PTP4A1: variants seen among roughly 807,000 people sequenced by gnomAD.
PTP4A1 encodes the protein protein tyrosine phosphatase 4A1.
Under a neutral mutation model 20.5 loss-of-function variants are expected in PTP4A1, and 9 were observed. That is an observed-to-expected ratio of 0.44 (90% CI 0.26 to 0.77). The LOEUF is 0.77. Among genes scored for constraint, PTP4A1 ranks in the 30% least tolerant of loss-of-function variants. The probability of loss-of-function intolerance (pLI) is 0.19; values close to 1 mark genes in which losing one functional copy is unlikely to be tolerated. For missense variants in PTP4A1, 137 were observed against 218.8 expected, an observed-to-expected ratio of 0.63 and a Z score of 2.36; for synonymous variants, 78 against 67.4, an observed-to-expected ratio of 1.16 and a Z score of -0.77.
At chr6:63,536,018 C>A (rs1454977225) in intron 2 of PTP4A1, among the ~76,000 whole-genome samples, 1 of 152,016 alleles carries the variant, frequency 6.6e-6, no homozygotes, top group Non-Finnish European at 1.5e-5. Context: ...GGTGATCCAC[C>A]CACCTCGGCC....
At chr6:63,557,187 C>T (rs772637245) in intron 3 of PTP4A1, among the ~76,000 whole-genome samples, 1 of 152,102 alleles carries the variant, frequency 6.6e-6, no homozygotes, top group Non-Finnish European at 1.5e-5. Flanking sequence ...ATGAATGCTG[C>T]AATAGAGGTA....
At chr6:63,536,448 C>T (rs1431160945) in intron 2 of PTP4A1, among the ~76,000 whole-genome samples, 1 of 152,118 alleles carries the variant, frequency 6.6e-6, no homozygotes, top group Non-Finnish European at 1.5e-5. Context: ...TAAGGATATC[C>T]CATTAATTTC....
At chr6:63,567,559 T>C (rs1777243671), upstream of PTP4A1, among the ~76,000 whole-genome samples, 1 of 152,346 alleles carries the variant, frequency 6.6e-6, no homozygotes. Context: ...CCAGGTTTTG[T>C]TCTTCCACTT....
rs376399907 is a variant in PTP4A1 at position 63,559,292 on chromosome 6, G to A, written c.-446+8799G>A. On this transcript the variant is annotated intron_variant, in intron 3 of 3. Transcript: ENST00000639568. ...TATAATGATACTTGTAAACAGCAAG[G>A]ACTTAAGTGGAGTTATTTGGGGGAA... Among the ~76,000 whole-genome samples, 283 of 152,264 alleles carry A rather than the reference G, an allele frequency of 1.9e-3. 1 individual carries two copies. Among genetic ancestry groups the A allele is most frequent in the African/African-American group, 6.5e-3 (270 of 41,536 alleles).
chr6:63,573,093 C>T (rs1295125817), intron 1 of PTP4A1: 2 of 174,124 alleles, frequency 1.1e-5, no homozygotes, highest in Non-Finnish European at 2.4e-5. Flanking sequence ...ACCGCCGCCT[C>T]CGCCCTTGGC....
intron 2 of PTP4A1, among the ~76,000 whole-genome samples, chr6:63,539,790 G>A (rs1397712820): frequency 1.3e-5 from 2 of 151,708 alleles, no homozygotes; most frequent in Admixed American, 6.6e-5. Context: ...ATTGGCAAAG[G>A]ATATGAATAG....
rs2149521370 is a variant in PTP4A1, at chr6:63,583,479, T to C, written c.*3305T>C. ...GGGAAAAACTTGTATTTGCCTTCAA[T>C]GAATTAAACCAGTGATATGTGTTAA... On this transcript the variant is annotated 3_prime_UTR_variant, in exon 6 of 6. Coordinates refer to ENST00000626021, the MANE Select transcript of PTP4A1 (RefSeq NM_003463.5). The C allele has an allele frequency of 6.6e-6, 1 of 152,314 alleles. No individual in the cohort carries two copies. Among genetic ancestry groups the C allele is most frequent in the South Asian group, 2.1e-4 (1 of 4,826 alleles). The allele number at this position is 152,314 out of a possible 1,614,324, so 9.4% of individuals were successfully genotyped here. A position where few individuals can be genotyped will look rare whatever the true frequency, so the allele number is the denominator to read the frequency against.
Position 63,580,169 on chromosome 6 carries a change from C to G in PTP4A1, c.517C>G (p.Gln173Glu). 1.9e-6 allele frequency: 3 copies of G among 1,608,010 alleles called. No homozygotes were observed. The highest frequency in any genetic ancestry group is 2.6e-6 in the Non-Finnish European group (3 of 1,175,176). Reference protein sequence around the residue: ...SNGHRNNCCIQ With the variant: ...SNGHRNNCCIE ...CGGTCATAGAAACAACTGTTGCATTCAATAAAATTGGGGTGCCTAATGCTA... is the reference window on the plus strand; with the variant it reads ...CGGTCATAGAAACAACTGTTGCATTGAATAAAATTGGGGTGCCTAATGCTA... The change falls in exon 6 of 6, where the codon CAA (glutamine) becomes GAA (glutamate). Residue 173 changes from glutamine (Q) to glutamate (E), a missense_variant. Gln to Glu is a conservative substitution (Grantham distance 29). Transcript: ENST00000626021.
intron 1 of PTP4A1, among the ~76,000 whole-genome samples, chr6:63,574,700 C>T (rs979695568): frequency 2.6e-5 from 4 of 151,904 alleles, no homozygotes; most frequent in East Asian, 1.9e-4. Flanking sequence ...AAAGGTAATA[C>T]CTAGAAATTA....
chr6:63,536,024 C>T (rs535731226), intron 2 of PTP4A1, among the ~76,000 whole-genome samples: 1 of 151,918 alleles, frequency 6.6e-6, no homozygotes, highest in African/African-American at 2.4e-5. Flanking sequence ...CCACCCACCT[C>T]GGCCTCCCAA....
chr6:63,540,668 A>G (rs924042409), intron 2 of PTP4A1, among the ~76,000 whole-genome samples: 3 of 151,918 alleles, frequency 2.0e-5, no homozygotes, highest in Non-Finnish European at 2.9e-5. Flanking sequence ...TTAGATGAAA[A>G]TGAGATTTCT....
upstream of PTP4A1, among the ~76,000 whole-genome samples, chr6:63,570,369 C>A (rs1000781245): frequency 6.6e-6 from 1 of 152,292 alleles, no homozygotes; most frequent in South Asian, 2.1e-4. Context: ...TTTCTCTCAA[C>A]AGCAAAAGCC....
intron 2 of PTP4A1, among the ~76,000 whole-genome samples, chr6:63,532,447 A>C (rs905562665): frequency 6.6e-6 from 1 of 152,054 alleles, no homozygotes; most frequent in Admixed American, 6.5e-5. Context: ...CATACATCCT[A>C]TGTATGGGTC....
chr6:63,538,880 A>C (rs1775833202), intron 2 of PTP4A1, among the ~76,000 whole-genome samples: 1 of 151,946 alleles, frequency 6.6e-6, no homozygotes, highest in South Asian at 2.1e-4. Flanking sequence ...GAGAAGTAAT[A>C]ATATTTATTT....
At chr6:63,531,500 A>C (rs986425665) in intron 2 of PTP4A1, among the ~76,000 whole-genome samples, 8 of 150,526 alleles carry the variant, frequency 5.3e-5, no homozygotes, top group African/African-American at 2.0e-4. Context: ...TTCCTGACCC[A>C]TATCTATTAT....
intron 3 of PTP4A1, among the ~76,000 whole-genome samples, chr6:63,564,363 T>C (rs1777096833): frequency 6.6e-6 from 1 of 152,034 alleles, no homozygotes; most frequent in Non-Finnish European, 1.5e-5. Flanking sequence ...AATGGAACTA[T>C]AGAAATACAC....
At chr6:63,553,461 G>A (rs761488467) in intron 3 of PTP4A1, among the ~76,000 whole-genome samples, 3 of 152,166 alleles carry the variant, frequency 2.0e-5, no homozygotes, top group Admixed American at 6.6e-5. Context: ...TTACATGGGT[G>A]GCCTAAAAAT....
In PTP4A1 at chr6:63,572,523, G is replaced by C. The variant is rs2758257; in HGVS notation, c.-642G>C. The C allele has an allele frequency of 2.3e-5, 9 of 391,822 alleles. No individual in the cohort carries two copies. The East Asian group carries it at 2.5e-4, about 11-fold the overall frequency. The allele number at this position is 391,822 out of a possible 1,614,324, so 24.3% of individuals were successfully genotyped here. On this transcript the variant is annotated 5_prime_UTR_variant, in exon 1 of 6. Coordinates refer to ENST00000626021, the MANE Select transcript of PTP4A1 (RefSeq NM_003463.5). ...GCTCCTTCGGCTGCGGGCCGGCTCG[G>C]CTACGCGCTCTGCTCCGAGCCGCTC...
chr6:63,528,284 C>T (rs1040080727), intron 2 of PTP4A1, among the ~76,000 whole-genome samples: 38 of 152,170 alleles, frequency 2.5e-4, no homozygotes, highest in African/African-American at 9.2e-4. Flanking sequence ...ATATTTTCTG[C>T]TCCCATTGGG....
Sources: allele counts gnomAD v4.1 joint callset (sites outside exome capture counted in the v4.1 genomes callset), GRCh38; gene constraint gnomAD v4.1.1; transcripts MANE v1.5; gene names NCBI Gene and HGNC (gene_info 2026-07-23, HGNC 2026-07-21).